Variants in HMBOX1 observed in about 807,000 individuals in gnomAD.
The protein encoded by HMBOX1 is homeobox containing 1, also known as homeobox-containing protein 1.
A neutral mutation model predicts 54.5 loss-of-function variants in HMBOX1; 14 were observed. The ratio of observed to expected loss-of-function variants is 0.26; its 90% CI spans 0.17 to 0.40. HMBOX1 has a LOEUF of 0.40. HMBOX1 is among the 10% of genes least tolerant of loss of function. The pLI is 1.00. For synonymous variants in HMBOX1, 160 were observed against 181.0 expected (o/e 0.88, Z 0.93); for missense variants, 332 against 514.4 (o/e 0.65, Z 3.43).
intron 4 of HMBOX1, among the ~76,000 whole-genome samples, chr8:28,987,005 T>G (rs1421584083): frequency 6.6e-6 from 1 of 152,166 alleles, no homozygotes; most frequent in Non-Finnish European, 1.5e-5. Context: ...CTACAGTTAT[T>G]GAAATTCCTT....
At chr8:29,001,925 A>C (rs1437099230) in intron 4 of HMBOX1, among the ~76,000 whole-genome samples, 1 of 152,226 alleles carries the variant, frequency 6.6e-6, no homozygotes, top group Non-Finnish European at 1.5e-5. Flanking sequence ...AATATGTTCT[A>C]AATATGAGGA....
chr8:29,034,599 T>C (rs936736857), intron 6 of HMBOX1, among the ~76,000 whole-genome samples: 2 of 152,258 alleles, frequency 1.3e-5, no homozygotes, highest in Admixed American at 6.5e-5. Context: ...GGCTCACACC[T>C]GTATCCAGCA....
intron 5 of HMBOX1, among the ~76,000 whole-genome samples, chr8:29,012,717 A>G (rs889143473): frequency 4.6e-5 from 7 of 152,212 alleles, no homozygotes; most frequent in Non-Finnish European, 8.8e-5. Flanking sequence ...CTTGTATTAT[A>G]TATTTGAAAA....
intron 3 of HMBOX1, among the ~76,000 whole-genome samples, chr8:28,971,165 C>T (rs1424206350): frequency 1.3e-5 from 2 of 149,816 alleles, no homozygotes; most frequent in Non-Finnish European, 3.0e-5. Context: ...GATCTCGGCT[C>T]ACCACAATCT....
At chr8:28,921,753 AAT>A (rs1333091258) in intron 1 of HMBOX1, among the ~76,000 whole-genome samples, 1 of 152,238 alleles carries the variant, frequency 6.6e-6, no homozygotes, top group Non-Finnish European at 1.5e-5. Flanking sequence ...ATAAAAATAA[AAT>A]AGTTATGTGT....
intron 1 of HMBOX1, among the ~76,000 whole-genome samples, chr8:28,940,325 A>T (rs1011925045): frequency 6.6e-6 from 1 of 152,134 alleles, no homozygotes; most frequent in African/African-American, 2.4e-5. Flanking sequence ...GATTTTTTTT[A>T]AAAGACTAGT....
Position 28,970,200 on chromosome 8 carries a change from T to C in HMBOX1, c.181T>C (p.Phe61Leu). The change falls in exon 3 of 10, where the codon TTT (phenylalanine) becomes CTT (leucine). Residue 61 changes from phenylalanine to leucine, a missense_variant. Phe to Leu is a conservative substitution (Grantham distance 22, BLOSUM62 0). Around this residue, in one of 4 missense-constraint regions of HMBOX1, gnomAD observed 146 missense variants for 173.3 expected, o/e 0.84. Transcript: ENST00000287701. This position sits in a 1 kb window ranked among gnomAD's most constrained non-coding sequence, Gnocchi z 4.3. ...DRLDQEHSDK[F>L]GRRSSYGGSS... Reference sequence around the variant, plus strand: ...TCTTGATCAAGAGCATAGTGACAAGTTTGGAAGAAGGTCCAGCTATGGAGG... The same window carrying C: ...TCTTGATCAAGAGCATAGTGACAAGCTTGGAAGAAGGTCCAGCTATGGAGG... 1 of 1,614,178 alleles carries C rather than the reference T, an allele frequency of 6.2e-7. No homozygotes were observed. The highest frequency in any genetic ancestry group is 1.1e-5 in the South Asian group (1 of 91,084).
At position 29,051,465 on chromosome 8, in the gene HMBOX1, C is replaced by T; in HGVS notation, c.*310C>T. ...TGCTTCCAGGTATTTAGATAGCCCT[C>T]AGTTCTCAAATATTAGACTACGTGT... On this transcript the variant is annotated 3_prime_UTR_variant, in exon 10 of 10. Transcript: ENST00000287701. The T allele has an allele frequency of 1.4e-6, 1 of 694,188 alleles. No homozygotes were observed. The highest frequency in any genetic ancestry group is 2.6e-6 in the Non-Finnish European group (1 of 377,732). 43.0% of individuals were successfully genotyped at this position (694,188 alleles called of 1,614,324 possible). A position where few individuals can be genotyped will look rare whatever the true frequency, so the allele number is the denominator to read the frequency against.
At chr8:28,892,675 A>C (rs1811255342) in intron 1 of HMBOX1, among the ~76,000 whole-genome samples, 1 of 152,176 alleles carries the variant, frequency 6.6e-6, no homozygotes, top group African/African-American at 2.4e-5. Context: ...GCTGTTGGTC[A>C]TTCACACAGA....
chr8:28,945,036 G>T (rs1822171641), intron 1 of HMBOX1, among the ~76,000 whole-genome samples: 1 of 152,172 alleles, frequency 6.6e-6, no homozygotes, highest in Admixed American at 6.5e-5. Flanking sequence ...TCAAAAGCAA[G>T]TGTTCTCAAT....
intron 1 of HMBOX1, among the ~76,000 whole-genome samples, chr8:28,955,471 T>A (rs1380424996): frequency 6.6e-6 from 1 of 152,234 alleles, no homozygotes; most frequent in African/African-American, 2.4e-5. Context: ...TTTTCTTTTT[T>A]AAATCCTGAT....
At chr8:28,988,054 G>T (rs1400913794) in intron 4 of HMBOX1, among the ~76,000 whole-genome samples, 1 of 152,120 alleles carries the variant, frequency 6.6e-6, no homozygotes, top group Non-Finnish European at 1.5e-5. Context: ...ATTCCAAGAA[G>T]TTGTCTCATG....
intron 6 of HMBOX1, among the ~76,000 whole-genome samples, chr8:29,041,551 T>C (rs1230674689): frequency 1.3e-5 from 2 of 152,098 alleles, no homozygotes; most frequent in Non-Finnish European, 2.9e-5. Flanking sequence ...ATAACTATAA[T>C]ACAAGATGAA....
intron 1 of HMBOX1, among the ~76,000 whole-genome samples, chr8:28,929,538 C>T (rs1205530269): frequency 2.0e-5 from 3 of 151,928 alleles, no homozygotes; most frequent in Middle Eastern, 3.2e-3. Flanking sequence ...AGAATGAGAG[C>T]GTGTAAGATA....
chr8:29,026,043 T>TACACACACACACACAC (rs35597688), intron 6 of HMBOX1, among the ~76,000 whole-genome samples: 7 of 143,584 alleles, frequency 4.9e-5, no homozygotes, highest in African/African-American at 1.8e-4. Flanking sequence ...TGCTACCATG[T>TACACACACACACACAC]ACACACACAC....
At chr8:28,925,543 A>C (rs1200594454) in intron 1 of HMBOX1, among the ~76,000 whole-genome samples, 1 of 152,142 alleles carries the variant, frequency 6.6e-6, no homozygotes, top group Non-Finnish European at 1.5e-5. Context: ...TCTATAGTTG[A>C]AAATAAGATG....
intron 1 of HMBOX1, among the ~76,000 whole-genome samples, chr8:28,917,559 T>A (rs1816787385): frequency 6.6e-6 from 1 of 152,146 alleles, no homozygotes; most frequent in East Asian, 1.9e-4. Context: ...TACTGTATTA[T>A]ACTGACTAAA....
chr8:28,900,271 A>AT lies in HMBOX1; in HGVS notation c.-58+9593_-58+9594insT, dbSNP rs1554519262. Among the ~76,000 whole-genome samples, 208 of 70,346 alleles carry AT rather than the reference A, an allele frequency of 3.0e-3. 1 individual carries two copies. Among genetic ancestry groups the AT allele is most frequent in the Middle Eastern group, 9.3e-3 (1 of 108 alleles). 46.1% of individuals were successfully genotyped at this position (70,346 alleles called of 152,430 possible). A position where few individuals can be genotyped will look rare whatever the true frequency, so the allele number is the denominator to read the frequency against. On this transcript the variant is annotated intron_variant, in intron 1 of 9. Coordinates refer to ENST00000287701, the MANE Select transcript of HMBOX1 (RefSeq NM_001135726.3). Reference sequence around the variant, plus strand: ...TTCCGTCTCAAAAAAAAAAAAAAAAAATATATATATATATATATATTTTGT... The same window carrying AT: ...TTCCGTCTCAAAAAAAAAAAAAAAAATATATATATATATATATATATTTTGT...
intron 3 of HMBOX1, among the ~76,000 whole-genome samples, chr8:28,972,626 T>G (rs1006012293): frequency 1.3e-5 from 2 of 152,214 alleles, no homozygotes; most frequent in African/African-American, 4.8e-5. Context: ...TTTTTCGGTG[T>G]TGTTGCTGTT....
Sources: allele counts gnomAD v4.1 joint callset (sites outside exome capture counted in the v4.1 genomes callset), GRCh38; gene constraint gnomAD v4.1.1; regional missense constraint gnomAD v4.1.1; non-coding constraint Gnocchi (gnomAD v3.1); transcripts MANE v1.5; gene names NCBI Gene and HGNC (gene_info 2026-07-23, HGNC 2026-07-21).